The following SOX6 variants were observed in gnomAD, a reference collection of about 807,000 sequenced individuals.
SOX6 encodes the protein transcription factor SOX-6.
A neutral mutation model predicts 97.8 loss-of-function variants in SOX6; 11 were observed. The ratio of observed to expected loss-of-function variants is 0.11; its 90% CI spans 0.07 to 0.19. SOX6 has a LOEUF of 0.19. Among genes scored for constraint, SOX6 ranks in the 10% least tolerant of loss-of-function variants. SOX6 has a pLI of 1.00. For synonymous variants in SOX6, 360 were observed against 371.4 expected (o/e 0.97, Z 0.35); for missense variants, 810 against 1,039.5 (o/e 0.78, Z 3.04).
chr11:16,056,574 A>G (rs1273690143), intron 9 of SOX6, among the ~76,000 whole-genome samples: 1 of 152,134 alleles, frequency 6.6e-6, no homozygotes, highest in East Asian at 1.9e-4. Context: ...TGCTTCCTTC[A>G]TGCTTCCAAA....
At position 16,651,425 on chromosome 11, in the gene SOX6, C is replaced by G. The variant is rs149395814; in HGVS notation, n.430-39165G>C. On this transcript the variant is annotated intron_variant and non_coding_transcript_variant, in intron 3 of 5. Transcript: ENST00000524520. ...ACAGCATATCAAAAAGATAATACAC[C>G]ATGATCAACTGGGTTTGATAACAGG... 7.9e-3 allele frequency among the ~76,000 whole-genome samples: 1,197 copies of G among 152,184 alleles called. 14 individuals carry two copies. The highest frequency in any genetic ancestry group is 0.027 in the African/African-American group (1,141 of 41,518).
chr11:16,708,975 T>C (rs952741272), intron 3 of SOX6, among the ~76,000 whole-genome samples: 3 of 152,222 alleles, frequency 2.0e-5, no homozygotes, highest in South Asian at 4.1e-4. Flanking sequence ...AAAATATGCA[T>C]TGTGTACCAT....
intron 4 of SOX6, among the ~76,000 whole-genome samples, chr11:16,202,601 T>C (rs1352470549): frequency 6.6e-6 from 1 of 152,174 alleles, no homozygotes; most frequent in African/African-American, 2.4e-5. Context: ...AATTTCTCAC[T>C]AACATTAAAA....
At chr11:16,361,481 A>G (rs1590158277), upstream of SOX6, among the ~76,000 whole-genome samples, 1 of 152,252 alleles carries the variant, frequency 6.6e-6, no homozygotes, top group African/African-American at 2.4e-5. Context: ...AAAAATAATA[A>G]GAAAACTGAG....
intron 1 of SOX6, among the ~76,000 whole-genome samples, chr11:16,470,556 C>T (rs1438607432): frequency 1.3e-5 from 2 of 152,060 alleles, no homozygotes; most frequent in Non-Finnish European, 2.9e-5. Context: ...GTCCAGGAAC[C>T]TGAGGAAATG....
At chr11:16,176,076 G>GATGA (rs1851177658) in intron 6 of SOX6, among the ~76,000 whole-genome samples, 2 of 150,164 alleles carry the variant, frequency 1.3e-5, no homozygotes, top group Admixed American at 1.3e-4. Context: ...CGGACGGATG[G>GATGA]ATGGATGGAT....
chr11:16,048,051 A>G (rs934677867), intron 11 of SOX6, among the ~76,000 whole-genome samples: 1 of 152,146 alleles, frequency 6.6e-6, no homozygotes, highest in Admixed American at 6.5e-5. Flanking sequence ...GTAGAGTTCC[A>G]TAAAAGCAGG....
intron 1 of SOX6, among the ~76,000 whole-genome samples, chr11:16,445,188 T>A (rs1253319404): frequency 6.6e-6 from 1 of 152,138 alleles, no homozygotes; most frequent in Non-Finnish European, 1.5e-5. Context: ...AGATTCACAT[T>A]AAAATACATA....
Position 16,097,571 on chromosome 11 carries a change from C to T in SOX6, c.978+38G>A, listed in dbSNP as rs75092111. 16 of 1,572,218 alleles carry T rather than the reference C, an allele frequency of 1.0e-5. No homozygotes were observed. In the East Asian group the frequency reaches 3.6e-4, roughly 35 times the overall value. ...TGGTTAGCAGTTTTCCACTAAAGTA[C>T]TGGCTCATATCCCACATTTTTTTCT... On this transcript the variant is annotated intron_variant, in intron 8 of 15. Coordinates refer to ENST00000683767, the MANE Select transcript of SOX6 (RefSeq NM_001367873.1).
At chr11:16,408,527 G>C (rs1407797213) in intron 1 of SOX6, among the ~76,000 whole-genome samples, 1 of 152,112 alleles carries the variant, frequency 6.6e-6, no homozygotes, top group East Asian at 1.9e-4. Context: ...ACAATTAGAA[G>C]AACAGACAAG....
At chr11:16,197,745 C>T (rs552097378) in intron 4 of SOX6, among the ~76,000 whole-genome samples, 6 of 152,026 alleles carry the variant, frequency 3.9e-5, no homozygotes, top group Non-Finnish European at 7.4e-5. Flanking sequence ...TCACAATATT[C>T]AGGGCACAGA....
chr11:16,730,060 T>C (rs2134059369), intron 2 of SOX6, among the ~76,000 whole-genome samples: 1 of 146,710 alleles, frequency 6.8e-6, no homozygotes, highest in Non-Finnish European at 1.5e-5. Flanking sequence ...CCTAAATATA[T>C]ATGCACCCAA....
At chr11:16,357,794 G>A (rs1387544461), upstream of SOX6, among the ~76,000 whole-genome samples, 1 of 152,030 alleles carries the variant, frequency 6.6e-6, no homozygotes, top group Non-Finnish European at 1.5e-5. Flanking sequence ...TTTCACCAAC[G>A]AAATCCCATA....
At chr11:16,155,781 A>G (rs931922137) in intron 6 of SOX6, among the ~76,000 whole-genome samples, 1 of 152,074 alleles carries the variant, frequency 6.6e-6, no homozygotes, top group African/African-American at 2.4e-5. Context: ...TGTTCTAACC[A>G]AAGTTTCCAA....
intron 4 of SOX6, among the ~76,000 whole-genome samples, chr11:16,561,395 A>C (rs1365506175): frequency 6.6e-6 from 1 of 152,072 alleles, no homozygotes; most frequent in Non-Finnish European, 1.5e-5. Context: ...ACACCTCCTA[A>C]GATATGAATG....
chr11:16,694,996 G>T (rs1206366056), intron 3 of SOX6, among the ~76,000 whole-genome samples: 1 of 152,154 alleles, frequency 6.6e-6, no homozygotes, highest in Admixed American at 6.5e-5. Flanking sequence ...ATGTGCATAG[G>T]TTATATGCAA....
At chr11:16,232,997 T>C (rs1274596376) in intron 4 of SOX6, among the ~76,000 whole-genome samples, 2 of 152,180 alleles carry the variant, frequency 1.3e-5, no homozygotes, top group Non-Finnish European at 1.5e-5. Flanking sequence ...GTTAATGCAA[T>C]GATTTATTAA....
At chr11:16,361,444 C>G (rs61883199), upstream of SOX6, among the ~76,000 whole-genome samples, 1,851 of 152,222 alleles carry the variant, frequency 0.012, 20 homozygotes, top group South Asian at 0.023. Flanking sequence ...AGTAGAAAAC[C>G]AGAGCAGCAG....
intron 4 of SOX6, among the ~76,000 whole-genome samples, chr11:16,606,755 C>T (rs1259260013): frequency 6.6e-6 from 1 of 152,206 alleles, no homozygotes; most frequent in Non-Finnish European, 1.5e-5. Context: ...TGTCCCTGCC[C>T]TTTTGCCTTA....
Sources: allele counts gnomAD v4.1 joint callset (sites outside exome capture counted in the v4.1 genomes callset), GRCh38; gene constraint gnomAD v4.1.1; transcripts MANE v1.5; gene names NCBI Gene and HGNC (gene_info 2026-07-23, HGNC 2026-07-21).